SHLD2: variants seen among roughly 807,000 people sequenced by gnomAD.
The protein encoded by SHLD2 is shieldin complex subunit 2.
SHLD2 carries 30 observed loss-of-function variants against 73.2 expected under a neutral mutation model. The observed-to-expected ratio is 0.41, with a 90% CI of 0.31 to 0.56. The LOEUF is 0.56. SHLD2 is among the 20% of genes least tolerant of loss of function. SHLD2 has a pLI of 0.28. For missense variants in SHLD2, 745 were observed against 1,055.9 expected (o/e 0.71, Z 4.08); for synonymous variants, 285 against 370.1 (o/e 0.77, Z 2.64).
At chr10:87,099,498 A>G (rs1842127942) in intron 2 of SHLD2, among the ~76,000 whole-genome samples, 1 of 152,136 alleles carries the variant, frequency 6.6e-6, no homozygotes. Flanking sequence ...CAGGTACTTC[A>G]TTTCTTGTTA....
intron 2 of SHLD2, among the ~76,000 whole-genome samples, chr10:87,135,595 G>A (rs1402043150): frequency 6.6e-6 from 1 of 151,654 alleles, no homozygotes; most frequent in Non-Finnish European, 1.5e-5. Context: ...TGGGCTCAAC[G>A]CGATCCACCC....
intron 2 of SHLD2, among the ~76,000 whole-genome samples, chr10:87,098,607 G>T (rs1387053594): frequency 6.6e-6 from 1 of 151,538 alleles, no homozygotes; most frequent in Non-Finnish European, 1.5e-5. Context: ...ATTCAAACCT[G>T]TGTATCTGAC....
In SHLD2 at chr10:87,190,912, A is replaced by G. The variant is rs1849028759; in HGVS notation, c.*229A>G. ...TTACTTTCTCCTGGAGAAATGATCT[A>G]CCAGTCAAGGCAATATGTAGCAGAT... On this transcript the variant is annotated 3_prime_UTR_variant, in exon 10 of 10. Transcript: ENST00000298786. 3.6e-6 allele frequency: 2 copies of G among 548,110 alleles called. No homozygotes were observed. Among genetic ancestry groups the G allele is most frequent in the African/African-American group, 1.9e-5 (1 of 52,636 alleles). The allele number at this position is 548,110 out of a possible 1,614,324, so 34.0% of individuals were successfully genotyped here. A position where few individuals can be genotyped will look rare whatever the true frequency, so the allele number is the denominator to read the frequency against.
At chr10:87,184,697 C>G (rs947891261) in intron 8 of SHLD2, among the ~76,000 whole-genome samples, 1 of 152,076 alleles carries the variant, frequency 6.6e-6, no homozygotes, top group Non-Finnish European at 1.5e-5. Context: ...AGCCACGTGG[C>G]CTTCTTTCAG....
intron 4 of SHLD2, among the ~76,000 whole-genome samples, chr10:87,158,627 C>A (rs1380350608): frequency 2.0e-5 from 3 of 152,056 alleles, no homozygotes. Flanking sequence ...AATCCTTATT[C>A]TCCTGTCTAC....
chr10:87,139,713 AG>A (rs1410050528), intron 2 of SHLD2, among the ~76,000 whole-genome samples: 3 of 152,140 alleles, frequency 2.0e-5, no homozygotes, highest in African/African-American at 7.2e-5. Context: ...CTGTAATTCC[AG>A]CTTGGGAGGC....
At chr10:87,104,916 C>T (rs995656558) in intron 2 of SHLD2, among the ~76,000 whole-genome samples, 9 of 152,126 alleles carry the variant, frequency 5.9e-5, no homozygotes, top group Non-Finnish European at 1.3e-4. Flanking sequence ...GCCTCCGCCT[C>T]CCAGTGTTGG....
intron 2 of SHLD2, among the ~76,000 whole-genome samples, chr10:87,103,609 T>A (rs1842405989): frequency 6.6e-6 from 1 of 152,222 alleles, no homozygotes; most frequent in Non-Finnish European, 1.5e-5. Context: ...TCTAACTGAT[T>A]TTCAGAGAAG....
chr10:87,186,957 A>G lies in SHLD2; in HGVS notation c.2400-128A>G. 5.0e-6 allele frequency: 3 copies of G among 602,956 alleles called. No individual in the cohort carries two copies. In the South Asian group the frequency reaches 6.8e-5, roughly 14 times the overall value. The allele number at this position is 602,956 out of a possible 1,614,324, so 37.4% of individuals were successfully genotyped here. On this transcript the variant is annotated intron_variant, in intron 8 of 9. Transcript: ENST00000298786. ...CTTCTAGGATGTCACAGAACATCCTAGAGTTGTTTTAGGCATTCAAATTAA... is the reference window on the plus strand; with the variant it reads ...CTTCTAGGATGTCACAGAACATCCTGGAGTTGTTTTAGGCATTCAAATTAA...
chr10:87,190,627 T>C lies in SHLD2; in HGVS notation c.2659T>C (p.Ser887Pro), dbSNP rs1327618716. 2 of 1,611,942 alleles carry C rather than the reference T, an allele frequency of 1.2e-6. No individual in the cohort carries two copies. Among genetic ancestry groups the C allele is most frequent in the East Asian group, 4.5e-5 (2 of 44,886 alleles). The change falls in exon 10 of 10, where the codon TCC becomes CCC. Residue 887 changes from serine to proline, a missense_variant. By Grantham distance (74) the Ser-to-Pro change is moderately conservative (BLOSUM62 -1). Coordinates refer to ENST00000298786, the MANE Select transcript of SHLD2 (RefSeq NM_001330112.2). ...ENSYPLQQDF[S>P]LLDFYPDIVK... ...CAGCTATCCATTACAACAAGATTTC[T>C]CCCTCCTGGATTTTTATCCTGACAT...
chr10:87,152,026 T>G lies in SHLD2; in HGVS notation c.672T>G (p.Ser224=), dbSNP rs375312223. Residue 224 remains serine, a synonymous_variant, in exon 3 of 10, where the codon TCT becomes TCG. Coordinates refer to ENST00000298786, the MANE Select transcript of SHLD2 (RefSeq NM_001330112.2). ...FSSNAVDKSR[S]EAAVRKVSDL... Reference sequence around the variant, plus strand: ...CGAACGCAGTAGATAAGTCAAGGTCTGAAGCAGCAGTTAGGAAGGTCTCAG... The same window carrying G: ...CGAACGCAGTAGATAAGTCAAGGTCGGAAGCAGCAGTTAGGAAGGTCTCAG... The G allele has an allele frequency of 1.2e-5, 19 of 1,611,814 alleles. No homozygotes were observed. The highest frequency in any genetic ancestry group is 2.7e-5 in the African/African-American group (2 of 74,860).
chr10:87,185,912 T>G (rs905226608), intron 8 of SHLD2, among the ~76,000 whole-genome samples: 1 of 152,204 alleles, frequency 6.6e-6, no homozygotes, highest in Non-Finnish European at 1.5e-5. Context: ...CTCATTGTGT[T>G]GCCCAGGCTG....
chr10:87,178,235 CAAAAAAAAAAAAAAA>C (rs71019476), intron 7 of SHLD2, among the ~76,000 whole-genome samples: 2 of 31,024 alleles, frequency 6.4e-5, no homozygotes, highest in Non-Finnish European at 1.1e-4. Context: ...TACTCTGTCT[CAAAAAAAAAAAAAAA>C]AAAAAAAAAA....
intron 2 of SHLD2, among the ~76,000 whole-genome samples, chr10:87,098,099 A>C (rs1328090511): frequency 3.9e-5 from 6 of 152,212 alleles, no homozygotes; most frequent in Admixed American, 3.9e-4. Flanking sequence ...TGTTAAAAAA[A>C]TATGAACAGC....
intron 2 of SHLD2, among the ~76,000 whole-genome samples, chr10:87,144,649 T>C (rs1845453221): frequency 7.8e-6 from 1 of 128,316 alleles, no homozygotes; most frequent in Non-Finnish European, 1.6e-5. Context: ...TTTTTTGAGA[T>C]GGTGTCTCGC....
Position 87,170,841 on chromosome 10 carries a change from G to A in SHLD2, c.1830G>A (p.Glu610=). The A allele has an allele frequency of 6.2e-7, 1 of 1,611,658 alleles. No homozygotes were observed. The highest frequency in any genetic ancestry group is 8.5e-7 in the Non-Finnish European group (1 of 1,179,760). ...LRVVDFTILT[E]AVYSYRGQKQ... ...AAGGTACTCATTTTCCTTTTCCAGA[G>A]GCAGTATACAGTTATAGAGGACAGA... The change falls in exon 6 of 10, where the codon GAG becomes GAA. Residue 610 remains glutamate (E), a splice_region_variant and synonymous_variant. Coordinates refer to ENST00000298786, the MANE Select transcript of SHLD2 (RefSeq NM_001330112.2).
chr10:87,161,286 G>GA (rs902254698), intron 4 of SHLD2, among the ~76,000 whole-genome samples: 15 of 151,654 alleles, frequency 9.9e-5, no homozygotes, highest in Middle Eastern at 3.2e-3. Context: ...AAAAGAAAAA[G>GA]AAAAAAAAGC....
chr10:87,108,433 C>T (rs911599038), intron 2 of SHLD2, among the ~76,000 whole-genome samples: 1 of 152,134 alleles, frequency 6.6e-6, no homozygotes, highest in Non-Finnish European at 1.5e-5. Flanking sequence ...TGATCCACCG[C>T]CCCTTGGCCT....
intron 9 of SHLD2, among the ~76,000 whole-genome samples, chr10:87,188,345 G>A (rs937082205): frequency 6.6e-6 from 1 of 152,080 alleles, no homozygotes; most frequent in Non-Finnish European, 1.5e-5. Flanking sequence ...AGGATGGAGG[G>A]GTTTTTTTTC....
Sources: gnomAD v4.1 joint callset for allele counts (sites outside exome capture counted in the v4.1 genomes callset) on GRCh38, gnomAD v4.1.1 for gene constraint, MANE v1.5 for transcripts, NCBI Gene and HGNC (gene_info 2026-07-23, HGNC 2026-07-21) for gene names.